Variants in PER3 observed in about 807,000 individuals in gnomAD.
PER3 encodes period circadian protein homolog 3.
A neutral mutation model predicts 127.2 loss-of-function variants in PER3; 107 were observed. The ratio of observed to expected loss-of-function variants is 0.84; its 90% CI spans 0.72 to 0.99. The LOEUF is 0.99. Ranked by LOEUF, PER3 falls within the 50% of genes least tolerant of loss-of-function variation. The pLI is 0.00. For synonymous variants in PER3, 618 were observed against 585.8 expected, an observed-to-expected ratio of 1.05 and a Z score of -0.79; for missense variants, 1,560 against 1,525.8, an observed-to-expected ratio of 1.02 and a Z score of -0.37.
intron 21 of PER3, among the ~76,000 whole-genome samples, chr1:7,837,479 C>T (rs904441210): frequency 6.6e-6 from 1 of 152,062 alleles, no homozygotes; most frequent in African/African-American, 2.4e-5. Context: ...TTTGATAGGT[C>T]ATTTGTTATG....
intron 10 of PER3, among the ~76,000 whole-genome samples, chr1:7,804,829 G>C (rs920320279): frequency 1.9e-4 from 28 of 151,134 alleles, no homozygotes; most frequent in Middle Eastern, 3.4e-3. Context: ...ACAACTTCTT[G>C]TAGGCTACAG....
At chr1:7,785,940 C>T (rs1329570769) in intron 3 of PER3, among the ~76,000 whole-genome samples, 3 of 152,194 alleles carry the variant, frequency 2.0e-5, no homozygotes, top group Non-Finnish European at 4.4e-5. Context: ...GTTACCTTTA[C>T]ATGCCGTACA....
chr1:7,836,856 C>T (rs1036932978), intron 20 of PER3, 143 bp from the exon 21 acceptor site: 1 of 515,138 alleles, frequency 1.9e-6, no homozygotes, highest in Non-Finnish European at 3.4e-6. Flanking sequence ...AGGAAATGAT[C>T]TAGTTATTTT....
intron 6 of PER3, among the ~76,000 whole-genome samples, chr1:7,797,715 C>T (rs1013375312): frequency 2.6e-5 from 4 of 152,084 alleles, no homozygotes; most frequent in African/African-American, 7.2e-5. Context: ...TAAAGAGCCC[C>T]TCAGGATTGG....
At position 7,842,661 on chromosome 1, in the gene PER3, C is replaced by T. The variant is rs1558495654; in HGVS notation, c.3550-11C>T. 1.1e-5 allele frequency: 17 copies of T among 1,612,570 alleles called. No individual in the cohort carries two copies. The highest frequency in any genetic ancestry group is 1.4e-5 in the Non-Finnish European group (16 of 1,179,110). ...CATCAAGTAACTCGCCTGCTTTGTTCTTTTTTGGAGGCCTGTGTCACTTGT... is the reference window on the plus strand; with the variant it reads ...CATCAAGTAACTCGCCTGCTTTGTTTTTTTTTGGAGGCCTGTGTCACTTGT... On this transcript the variant is annotated splice_polypyrimidine_tract_variant and intron_variant, in intron 21 of 21. Coordinates refer to ENST00000377532, the MANE Select transcript of PER3 (RefSeq NM_001377275.1).
At position 7,802,462 on chromosome 1, in the gene PER3, A is replaced by G. The variant is rs1006605809; in HGVS notation, c.873-585A>G. Among the ~76,000 whole-genome samples the G allele has an allele frequency of 1.6e-4, 24 of 152,026 alleles. 1 individual carries two copies. The highest frequency in any genetic ancestry group is 2.9e-5 in the Non-Finnish European group (2 of 68,010). ...ATATTTTCAGTAGAGATGGGGTTTC[A>G]CCATGTTGGCCAGACTGGTCTCGAA... On this transcript the variant is annotated intron_variant, in intron 8 of 21. Transcript: ENST00000377532.
chr1:7,787,972 A>G, intron 4 of PER3, 73 bp from the exon 5 acceptor site: 1 of 1,119,640 alleles, frequency 8.9e-7, no homozygotes, highest in African/African-American at 1.5e-5. Flanking sequence ...GAGATCCAGA[A>G]GAAATTTACC....
chr1:7,795,424 G>A (rs2097140859), intron 6 of PER3, among the ~76,000 whole-genome samples: 1 of 152,220 alleles, frequency 6.6e-6, no homozygotes, highest in African/African-American at 2.4e-5. Context: ...CTGGGAAGCG[G>A]GAGATTGCCG....
chr1:7,796,814 C>T (rs561971841), intron 6 of PER3, among the ~76,000 whole-genome samples: 4 of 152,048 alleles, frequency 2.6e-5, no homozygotes, highest in South Asian at 2.1e-4. Flanking sequence ...GGCCAAGAAG[C>T]GATATTCTGG....
chr1:7,809,480 G>A (rs947905905), intron 11 of PER3, among the ~76,000 whole-genome samples: 3 of 152,000 alleles, frequency 2.0e-5, no homozygotes, highest in African/African-American at 4.8e-5. Context: ...AACTGTCCTC[G>A]GTGGTTTTCA....
Position 7,835,854 on chromosome 1 carries a change from G to C in PER3, c.3307G>C (p.Glu1103Gln). 6.2e-7 allele frequency: 1 copy of C among 1,612,532 alleles called. No homozygotes were observed. The highest frequency in any genetic ancestry group is 8.5e-7 in the Non-Finnish European group (1 of 1,178,568). Residue 1103 changes from glutamate to glutamine, a missense_variant, in exon 20 of 22, where the codon GAA becomes CAA. Transcript: ENST00000377532. ...GQQSQDVQKK[E>Q]TFPNVAEEPI... ...GCAATCTCAGGACGTACAGAAAAAA[G>C]AAACATTTCCTAATGTCGCCGAAGA...
chr1:7,839,724 A>G (rs1463751649), intron 21 of PER3, among the ~76,000 whole-genome samples: 1 of 152,154 alleles, frequency 6.6e-6, no homozygotes, highest in Admixed American at 6.6e-5. Context: ...TCTGGCCTCC[A>G]CAGTTTCTGA....
chr1:7,829,672 C>T (rs995231032), intron 18 of PER3, among the ~76,000 whole-genome samples, 162 bp from the exon 19 acceptor site: 3 of 152,202 alleles, frequency 2.0e-5, no homozygotes, highest in South Asian at 2.1e-4. Flanking sequence ...CAATTTTAAA[C>T]TTATGAACTG....
At chr1:7,789,142 T>C (rs902032489) in intron 5 of PER3, among the ~76,000 whole-genome samples, 7 of 131,854 alleles carry the variant, frequency 5.3e-5, no homozygotes, top group Non-Finnish European at 1.0e-4. Context: ...AGCTTTAAAA[T>C]ATATATATAT....
intron 18 of PER3, among the ~76,000 whole-genome samples, chr1:7,829,310 A>G (rs1214981092): frequency 3.3e-5 from 5 of 152,242 alleles, no homozygotes; most frequent in Admixed American, 2.6e-4. Context: ...AATGATAACA[A>G]TATACTCATC....
At chr1:7,804,331 A>T (rs1458179054) in intron 10 of PER3, among the ~76,000 whole-genome samples, 2 of 147,660 alleles carry the variant, frequency 1.4e-5, no homozygotes, top group African/African-American at 5.0e-5. Flanking sequence ...TTTTTTAAAG[A>T]TCTCTTTAGT....
In PER3 at chr1:7,827,362, C is replaced by G. The variant is rs2097306712; in HGVS notation, c.2433C>G (p.Pro811=). 6.2e-7 allele frequency: 1 copy of G among 1,614,008 alleles called. No individual in the cohort carries two copies. The highest frequency in any genetic ancestry group is 8.5e-7 in the Non-Finnish European group (1 of 1,180,038). ...CCCCTTACCTCGTCCCAGCTTTTCC[C>G]CTCCCAGCCGCGACCTCACCCGGAA... ...SQAPYLVPAF[P]LPAATSPGRE... is the part of the protein sequence containing the mutation. Residue 811 remains proline (P), a synonymous_variant, in exon 18 of 22, where the codon CCC becomes CCG. Transcript: ENST00000377532.
At chr1:7,791,087 C>G (rs1192638920) in intron 5 of PER3, among the ~76,000 whole-genome samples, 2 of 152,214 alleles carry the variant, frequency 1.3e-5, no homozygotes, top group African/African-American at 4.8e-5. Flanking sequence ...GATGGTGGCC[C>G]TCTTCTCACA....
intron 6 of PER3, among the ~76,000 whole-genome samples, 159 bp from the exon 7 acceptor site, chr1:7,798,366 G>C (rs1223532765): frequency 6.6e-6 from 1 of 152,174 alleles, no homozygotes; most frequent in African/African-American, 2.4e-5. Flanking sequence ...GAAAATTTAA[G>C]CTAACATATT....
Sources: allele counts gnomAD v4.1 joint callset (sites outside exome capture counted in the v4.1 genomes callset), GRCh38; gene constraint gnomAD v4.1.1; transcripts MANE v1.5; gene names NCBI Gene and HGNC (gene_info 2026-07-23, HGNC 2026-07-21).